TUBB1: variants seen among roughly 807,000 people sequenced by gnomAD.
TUBB1 encodes tubulin beta-1 chain.
Under a neutral mutation model 22.6 loss-of-function variants are expected in TUBB1, and 28 were observed. The ratio of observed to expected loss-of-function variants is 1.24; its 90% CI spans 0.92 to 1.70. The LOEUF (loss-of-function observed/expected upper bound fraction) is 1.70, where lower values mean the gene tolerates loss of function less well. TUBB1 is among the 40% of genes most tolerant of loss of function. The probability of loss-of-function intolerance (pLI) is 0.00; values close to 1 mark genes in which losing one functional copy is unlikely to be tolerated. For synonymous variants in TUBB1, 226 were observed against 238.0 expected (o/e 0.95, Z 0.46); for missense variants, 577 against 605.5 (o/e 0.95, Z 0.49).
At chr20:59,018,118 G>A (rs116968870), upstream of TUBB1, among the ~76,000 whole-genome samples, 4,941 of 152,288 alleles carry the variant, frequency 0.032, 119 homozygotes, top group Non-Finnish European at 0.05. Context: ...CTCCCCTTCC[G>A]AGCCAGGGCT....
chr20:59,024,949 T>C lies in TUBB1; in HGVS notation c.*166T>C, dbSNP rs904064079. ...CTGAGGGAGACAGGTGGGGAGCAGC[T>C]GACAGGCATTAGGGTCTTTGCTGAC... On this transcript the variant is annotated 3_prime_UTR_variant, in exon 4 of 4. Coordinates refer to ENST00000217133, the MANE Select transcript of TUBB1 (RefSeq NM_030773.4). This position sits in a 1 kb window ranked among gnomAD's most constrained non-coding sequence, Gnocchi z 4.9. The C allele has an allele frequency of 7.1e-6, 5 of 702,694 alleles. No homozygotes were observed. The African/African-American group carries it at 8.8e-5, about 12-fold the overall frequency. The allele number at this position is 702,694 out of a possible 1,614,324, so 43.5% of individuals were successfully genotyped here. A position where few individuals can be genotyped will look rare whatever the true frequency, so the allele number is the denominator to read the frequency against.
chr20:59,023,405 G>A, intron 2 of TUBB1, 85 bp from the exon 3 acceptor site: 1 of 1,258,242 alleles, frequency 7.9e-7, no homozygotes, highest in Non-Finnish European at 1.2e-6. Context: ...ATTTTTTTTG[G>A]ACCAGTATCA....
At chr20:59,020,535 C>G (rs772109568) in intron 1 of TUBB1, among the ~76,000 whole-genome samples, 1 of 152,148 alleles carries the variant, frequency 6.6e-6, no homozygotes. Context: ...TAATTTGTCT[C>G]AAAACAGCTT....
At chr20:59,018,243 G>T (rs1489813410), upstream of TUBB1, among the ~76,000 whole-genome samples, 1 of 152,156 alleles carries the variant, frequency 6.6e-6, no homozygotes, top group African/African-American at 2.4e-5. Flanking sequence ...CTGGTGTTTG[G>T]CCTGGATGCC....
At chr20:59,021,821 C>G (rs529867368) in intron 1 of TUBB1, among the ~76,000 whole-genome samples, 16 of 152,244 alleles carry the variant, frequency 1.1e-4, no homozygotes, top group African/African-American at 2.9e-4. Flanking sequence ...ATGGCAAAAC[C>G]CTGTCTCTAC....
In TUBB1 at chr20:59,022,961, T is replaced by C. The variant is rs1431068471; in HGVS notation, c.166+8T>C. 4 of 1,611,856 alleles carry C rather than the reference T, an allele frequency of 2.5e-6. No individual in the cohort carries two copies. Among genetic ancestry groups the C allele is most frequent in the East Asian group, 4.5e-5 (2 of 44,870 alleles). Reference sequence around the variant, plus strand: ...ACTACAACGAAGCCTACGGTAGGACTGGCGGGGCTCTGGGAGCAGTGGTCC... The same window carrying C: ...ACTACAACGAAGCCTACGGTAGGACCGGCGGGGCTCTGGGAGCAGTGGTCC... On this transcript the variant is annotated splice_region_variant and intron_variant, in intron 2 of 3. Transcript: ENST00000217133.
chr20:59,019,225 A>T (rs1474491413), upstream of TUBB1: 2 of 475,840 alleles, frequency 4.2e-6, no homozygotes, highest in Non-Finnish European at 7.7e-6. Context: ...GGTGGCCTTT[A>T]ATCTTGCACT....
At chr20:59,016,503 G>A (rs533499324), upstream of TUBB1, among the ~76,000 whole-genome samples, 411 of 152,320 alleles carry the variant, frequency 2.7e-3, 1 homozygote, top group African/African-American at 9.5e-3. Flanking sequence ...GGACCTGCCT[G>A]TGGGAAGATC....
chr20:59,023,874 T>G lies in TUBB1; in HGVS notation c.447T>G (p.Thr149=). 6.2e-7 allele frequency: 1 copy of G among 1,614,114 alleles called. No homozygotes were observed. The highest frequency in any genetic ancestry group is 2.2e-5 in the East Asian group (1 of 44,868). ...GGGGCACAGGCTCCGGGATGGGCAC[T>G]CTGCTCATGAACAAGATTAGAGAGG... The part of the protein sequence containing the change: ...LGGGTGSGMG[T]LLMNKIREEY... The change falls in exon 4 of 4, where the codon ACT becomes ACG. Residue 149 remains threonine, a synonymous_variant. Coordinates refer to ENST00000217133, the MANE Select transcript of TUBB1 (RefSeq NM_030773.4).
intron 1 of TUBB1, among the ~76,000 whole-genome samples, chr20:59,020,643 G>A (rs146990087): frequency 4.6e-5 from 7 of 152,074 alleles, no homozygotes; most frequent in Middle Eastern, 3.4e-3. Context: ...ATCAATTACT[G>A]TTTTATTAGT....
Position 59,021,986 on chromosome 20 carries a change from ACT to A in TUBB1, c.58-856_58-855del, listed in dbSNP as rs771909530. 1.7e-4 allele frequency among the ~76,000 whole-genome samples: 26 copies of A among 151,098 alleles called. 1 individual carries two copies. Among genetic ancestry groups the A allele is most frequent in the Admixed American group, 7.3e-4 (11 of 15,086 alleles). ...CTCCAGCCTAGGTGACAAGAGTGAA[ACT>A]CTGTCTCAAAATAAATAAATAAACA... is the stretch of plus-strand genomic sequence containing the variant. On this transcript the variant is annotated intron_variant, in intron 1 of 3. Coordinates refer to ENST00000217133, the MANE Select transcript of TUBB1 (RefSeq NM_030773.4).
rs371100941 is a variant in TUBB1, at chr20:59,023,593, T to C, written c.270T>C (p.Phe90=). The change falls in exon 3 of 4, where the codon TTT becomes TTC. Residue 90 remains phenylalanine (F), a synonymous_variant. Transcript: ENST00000217133. ...KLGALFQPDS[F]VHGNSGAGNN... is the part of the protein sequence containing the mutation. ...GAGCTCTCTTTCAACCCGACAGTTT[T>C]GTCCATGGTATGTTTTTCCAGAAGG... 6.2e-6 allele frequency: 10 copies of C among 1,614,194 alleles called. No individual in the cohort carries two copies. Among genetic ancestry groups the C allele is most frequent in the Non-Finnish European group, 8.5e-6 (10 of 1,180,026 alleles).
rs764465342 is a variant in TUBB1, at chr20:59,024,411, G to C, written c.984G>C (p.Gln328His). 4.0e-5 allele frequency: 64 copies of C among 1,614,092 alleles called. No homozygotes were observed. The highest frequency in any genetic ancestry group is 5.3e-5 in the Non-Finnish European group (63 of 1,180,042). Residue 328 changes from glutamine to histidine, a missense_variant, in exon 4 of 4, where the codon CAG becomes CAC. Coordinates refer to ENST00000217133, the MANE Select transcript of TUBB1 (RefSeq NM_030773.4). The surrounding 1 kb of genome is among the most constrained non-coding windows in gnomAD (Gnocchi z 4.9). ...RGKMSTKEVDQQLLSVQTRNS... is the reference protein window; with the variant it reads ...RGKMSTKEVDHQLLSVQTRNS... The stretch of plus-strand genomic sequence containing the variant: ...AGATGTCCACCAAGGAAGTGGACCA[G>C]CAACTGCTCTCCGTGCAGACCAGGA...
Position 59,019,592 on chromosome 20 carries a change from T to C in TUBB1, c.57+13T>C. On this transcript the variant is annotated intron_variant, in intron 1 of 3. Coordinates refer to ENST00000217133, the MANE Select transcript of TUBB1 (RefSeq NM_030773.4). ...GATCGGAGCCAAGGTAAGTAATGTC[T>C]GGTTACTAATCCTAGCTTTACCACA... The C allele has an allele frequency of 1.2e-6, 2 of 1,613,992 alleles. No individual in the cohort carries two copies. The highest frequency in any genetic ancestry group is 1.6e-4 in the Middle Eastern group (1 of 6,062).
chr20:59,017,331 C>T (rs900903379), upstream of TUBB1, among the ~76,000 whole-genome samples: 3 of 129,628 alleles, frequency 2.3e-5, no homozygotes, highest in Admixed American at 1.5e-4. Flanking sequence ...ACTGTCAGTA[C>T]TCAAGGGCAG....
At chr20:59,019,427 C>T (rs986911287), upstream of TUBB1, 33 of 1,459,460 alleles carry the variant, frequency 2.3e-5, no homozygotes, top group African/African-American at 1.9e-4. Context: ...ACTGCAGTGA[C>T]CACAGTTGTG....
At chr20:59,022,316 C>CAAAA (rs10590022) in intron 1 of TUBB1, among the ~76,000 whole-genome samples, 1 of 104,380 alleles carries the variant, frequency 9.6e-6, no homozygotes, top group African/African-American at 3.4e-5. Flanking sequence ...AAGACTCCAT[C>CAAAA]AAAAAAAAAA....
chr20:59,020,203 A>C (rs545117319), intron 1 of TUBB1, among the ~76,000 whole-genome samples: 1 of 150,758 alleles, frequency 6.6e-6, no homozygotes, highest in Non-Finnish European at 1.5e-5. Flanking sequence ...TATTTTTTTG[A>C]GATGGAGTGT....
At chr20:59,019,344 C>A (rs369990958), upstream of TUBB1, 2 of 682,708 alleles carry the variant, frequency 2.9e-6, no homozygotes, top group African/African-American at 1.8e-5. Context: ...TGGCTGAGGG[C>A]GGGGAGCTGG....
Sources: gnomAD v4.1 joint callset for allele counts (sites outside exome capture counted in the v4.1 genomes callset) on GRCh38, gnomAD v4.1.1 for gene constraint, Gnocchi (gnomAD v3.1) non-coding constraint, MANE v1.5 for transcripts, NCBI Gene and HGNC (gene_info 2026-07-23, HGNC 2026-07-21) for gene names.